Variants in OR5A1 observed in about 807,000 individuals in gnomAD.
OR5A1 encodes olfactory receptor 5A1.
OR5A1 carries 6 observed loss-of-function variants against 6.7 expected under a neutral mutation model. The ratio of observed to expected loss-of-function variants is 0.89; its 90% confidence interval spans 0.49 to 1.76. OR5A1 has a LOEUF of 1.76. Ranked by LOEUF, OR5A1 falls within the 40% of genes most tolerant of loss-of-function variation. The pLI is 0.01. For missense variants in OR5A1, 378 were observed against 381.7 expected, an observed-to-expected ratio of 0.99 and a Z score of 0.08; for synonymous variants, 170 against 155.0, an observed-to-expected ratio of 1.10 and a Z score of -0.72.
rs1858583170 is a variant in OR5A1 at position 59,448,856 on chromosome 11, C to G, written c.*4740C>G. 1 of 152,178 alleles carries G rather than the reference C, an allele frequency of 6.6e-6. No homozygotes were observed. Among genetic ancestry groups the G allele is most frequent in the Non-Finnish European group, 1.5e-5 (1 of 68,026 alleles). 9.4% of individuals were successfully genotyped at this position (152,178 alleles called of 1,614,324 possible). On this transcript the variant is annotated 3_prime_UTR_variant, in exon 2 of 2. Transcript: ENST00000641045. ...GTGACCCAAATTGTGACCATTGTCA[C>G]ATGAAATTGACTCTTGAACTATAAT...
At position 59,443,631 on chromosome 11, in the gene OR5A1, G is replaced by C; in HGVS notation, c.463G>C (p.Gly155Arg). ...CATGGTGGTTGGGGCATATGTTGGT[G>C]GCTTCCTGAGCTCCCTGATCCAGGC... The part of the protein sequence containing the change: ...TRMVVGAYVG[G>R]FLSSLIQASS... Residue 155 changes from glycine (G) to arginine (R), a missense_variant, in exon 2 of 2, where the codon GGC becomes CGC. By Grantham distance (125) the Gly-to-Arg change is moderately radical. Coordinates refer to ENST00000641045, the MANE Select transcript of OR5A1 (RefSeq NM_001004728.2). 1.2e-6 allele frequency: 2 copies of C among 1,614,054 alleles called. No homozygotes were observed. Among genetic ancestry groups the C allele is most frequent in the Middle Eastern group, 3.3e-4 (2 of 6,062 alleles).
At chr11:59,440,514 C>T (rs1858469188) in intron 1 of OR5A1, among the ~76,000 whole-genome samples, 1 of 152,166 alleles carries the variant, frequency 6.6e-6, no homozygotes, top group African/African-American at 2.4e-5. Context: ...AGGATCAAAC[C>T]ACTACCTTCT....
In OR5A1 at chr11:59,449,464, C is replaced by T. The variant is rs1858590775; in HGVS notation, c.*5348C>T. The T allele has an allele frequency of 6.6e-6, 1 of 152,182 alleles. No homozygotes were observed. The highest frequency in any genetic ancestry group is 1.5e-5 in the Non-Finnish European group (1 of 68,044). The allele number at this position is 152,182 out of a possible 1,614,324, so 9.4% of individuals were successfully genotyped here. On this transcript the variant is annotated 3_prime_UTR_variant, in exon 2 of 2. Transcript: ENST00000641045. Reference sequence around the variant, plus strand: ...GATCTCCTACTTCTAACCTAAAATACTGGGCTTCCTAAGACACATTCAAAT... The same window carrying T: ...GATCTCCTACTTCTAACCTAAAATATTGGGCTTCCTAAGACACATTCAAAT...
intron 1 of OR5A1, among the ~76,000 whole-genome samples, chr11:59,441,979 GAT>G (rs1491097569): frequency 6.7e-6 from 1 of 148,868 alleles, no homozygotes; most frequent in Non-Finnish European, 1.5e-5. Context: ...TAGATAGATA[GAT>G]AGATAGATGA....
chr11:59,448,705 GT>G lies in OR5A1; in HGVS notation c.*4590del. ...CACAGTTGTAAGTTCATGCTTGAGGGTGGGGTCACATCTGTCTCTTCACAAA... is the reference window on the plus strand; with the variant it reads ...CACAGTTGTAAGTTCATGCTTGAGGGGGGGTCACATCTGTCTCTTCACAAA... On this transcript the variant is annotated 3_prime_UTR_variant, in exon 2 of 2. Transcript: ENST00000641045. 1 of 152,178 alleles carries G rather than the reference GT, an allele frequency of 6.6e-6. No homozygotes were observed. Among genetic ancestry groups the G allele is most frequent in the African/African-American group, 2.4e-5 (1 of 41,516 alleles). 9.4% of individuals were successfully genotyped at this position (152,178 alleles called of 1,614,324 possible). A position where few individuals can be genotyped will look rare whatever the true frequency, so the allele number is the denominator to read the frequency against.
In OR5A1 at chr11:59,443,950, T is replaced by G. The variant is rs1204881366; in HGVS notation, c.782T>G (p.Val261Gly). 6.2e-7 allele frequency: 1 copy of G among 1,614,112 alleles called. No individual in the cohort carries two copies. The change falls in exon 2 of 2, where the codon GTG (valine) becomes GGG (glycine). Residue 261 changes from valine (V) to glycine (G), a missense_variant. Val to Gly is a moderately radical substitution (Grantham distance 109, BLOSUM62 -3). Coordinates refer to ENST00000641045, the MANE Select transcript of OR5A1 (RefSeq NM_001004728.2). Reference sequence around the variant, plus strand: ...CTGCTGTTTGGGACAGCCCTTTTCGTGTACTTGCGACCCAGCTCCAGCTAC... The same window carrying G: ...CTGCTGTTTGGGACAGCCCTTTTCGGGTACTTGCGACCCAGCTCCAGCTAC... ...VTLLFGTALF[V>G]YLRPSSSYLL...
rs976393913 is a variant in OR5A1, at chr11:59,449,077, G to A, written c.*4961G>A. 2.6e-5 allele frequency: 4 copies of A among 152,114 alleles called. No individual in the cohort carries two copies. Among genetic ancestry groups the A allele is most frequent in the South Asian group, 2.1e-4 (1 of 4,828 alleles). The allele number at this position is 152,114 out of a possible 1,614,324, so 9.4% of individuals were successfully genotyped here. On this transcript the variant is annotated 3_prime_UTR_variant, in exon 2 of 2. Transcript: ENST00000641045. ...AAAAGGAGAGAAAAAACATGCACACGTGTTGCTTAGTAACTTTTTAATAAC... is the reference window on the plus strand; with the variant it reads ...AAAAGGAGAGAAAAAACATGCACACATGTTGCTTAGTAACTTTTTAATAAC...
chr11:59,443,500 G>A lies in OR5A1; in HGVS notation c.332G>A (p.Gly111Asp), dbSNP rs1454657459. ...CAGTTTTTTTTCTTTGTCGGCATGG[G>A]TCTGTCTGAGTGCCTCCTCCTGACT... ...AAQFFFFVGMGLSECLLLTAM... is the reference protein window; with the variant it reads ...AAQFFFFVGMDLSECLLLTAM... Residue 111 changes from glycine (G) to aspartate (D), a missense_variant, in exon 2 of 2, where the codon GGT becomes GAT. Coordinates refer to ENST00000641045, the MANE Select transcript of OR5A1 (RefSeq NM_001004728.2). 3 of 1,613,938 alleles carry A rather than the reference G, an allele frequency of 1.9e-6. No individual in the cohort carries two copies. The South Asian group carries it at 3.3e-5, about 18-fold the overall frequency.
In OR5A1 at chr11:59,450,990, G is replaced by A. The variant is rs764143104; in HGVS notation, c.*6874G>A. On this transcript the variant is annotated 3_prime_UTR_variant, in exon 2 of 2. Coordinates refer to ENST00000641045, the MANE Select transcript of OR5A1 (RefSeq NM_001004728.2). ...TTTATATTTAGGACATTAAACATTT[G>A]GTTTATTAACTCTTTAGCATAAATT... The A allele has an allele frequency of 6.6e-6, 1 of 152,194 alleles. No individual in the cohort carries two copies. The highest frequency in any genetic ancestry group is 1.5e-5 in the Non-Finnish European group (1 of 67,996). The allele number at this position is 152,194 out of a possible 1,614,324, so 9.4% of individuals were successfully genotyped here.
chr11:59,443,521 T>A lies in OR5A1; in HGVS notation c.353T>A (p.Leu118Gln), dbSNP rs772735958. Residue 118 changes from leucine to glutamine, a missense_variant, in exon 2 of 2, where the codon CTG becomes CAG. Physicochemically the swap from Leu to Gln is moderately radical, Grantham distance 113. Coordinates refer to ENST00000641045, the MANE Select transcript of OR5A1 (RefSeq NM_001004728.2). ...ATGGGTCTGTCTGAGTGCCTCCTCC[T>A]GACTGCTATGGCATACGACCGATAT... ...VGMGLSECLL[L>Q]TAMAYDRYAA... 2 of 1,614,098 alleles carry A rather than the reference T, an allele frequency of 1.2e-6. No individual in the cohort carries two copies. The highest frequency in any genetic ancestry group is 2.2e-5 in the South Asian group (2 of 91,066).
In OR5A1 at chr11:59,444,193, G is replaced by C. The variant is rs914830319; in HGVS notation, c.*77G>C. ...AGCCTTCACCTCCACCTCTGCCTCA[G>C]GCAAGGGAGATATTTGGTGCTCTCA... On this transcript the variant is annotated 3_prime_UTR_variant, in exon 2 of 2. Coordinates refer to ENST00000641045, the MANE Select transcript of OR5A1 (RefSeq NM_001004728.2). 4 of 961,160 alleles carry C rather than the reference G, an allele frequency of 4.2e-6. No homozygotes were observed. The highest frequency in any genetic ancestry group is 6.4e-6 in the Non-Finnish European group (4 of 629,456). The allele number at this position is 961,160 out of a possible 1,614,324, so 59.5% of individuals were successfully genotyped here.
chr11:59,443,656 C>T lies in OR5A1; in HGVS notation c.488C>T (p.Ala163Val), dbSNP rs1485592311. ...GGCTTCCTGAGCTCCCTGATCCAGG[C>T]CAGCTCCATATTTAGGCTTCACTTT... ...VGGFLSSLIQASSIFRLHFCG... is the reference protein window; with the variant it reads ...VGGFLSSLIQVSSIFRLHFCG... Residue 163 changes from alanine to valine, a missense_variant, in exon 2 of 2, where the codon GCC becomes GTC. Transcript: ENST00000641045. 1.2e-6 allele frequency: 2 copies of T among 1,614,122 alleles called. No homozygotes were observed. Among genetic ancestry groups the T allele is most frequent in the Non-Finnish European group, 1.7e-6 (2 of 1,180,018 alleles).
chr11:59,440,149 A>T (rs914981553), intron 1 of OR5A1, among the ~76,000 whole-genome samples: 1 of 152,186 alleles, frequency 6.6e-6, no homozygotes, highest in African/African-American at 2.4e-5. Context: ...CTGCAGCCTC[A>T]ACCTTGTGGG....
In OR5A1 at chr11:59,443,164, G is replaced by A. The variant is rs1466808106; in HGVS notation, c.-5G>A. 6.2e-7 allele frequency: 1 copy of A among 1,610,520 alleles called. No individual in the cohort carries two copies. Among genetic ancestry groups the A allele is most frequent in the East Asian group, 2.2e-5 (1 of 44,838 alleles). ...TGCATCTTGTCCTTGTGGTCCACGG[G>A]AAGCATGTCCATAACCAAAGCCTGG... On this transcript the variant is annotated 5_prime_UTR_variant, in exon 2 of 2. Transcript: ENST00000641045.
chr11:59,441,984 A>C (rs910876244), intron 1 of OR5A1, among the ~76,000 whole-genome samples: 5 of 151,734 alleles, frequency 3.3e-5, no homozygotes, highest in Non-Finnish European at 5.9e-5. Flanking sequence ...AGATAGATAG[A>C]TAGATGATAG....
At chr11:59,440,817 T>C (rs749705786) in intron 1 of OR5A1, among the ~76,000 whole-genome samples, 1 of 152,180 alleles carries the variant, frequency 6.6e-6, no homozygotes, top group Non-Finnish European at 1.5e-5. Flanking sequence ...CCTTAGAATA[T>C]AGGATGAAGC....
chr11:59,438,002 G>A (rs1372208308), intron 1 of OR5A1, among the ~76,000 whole-genome samples: 1 of 152,162 alleles, frequency 6.6e-6, no homozygotes, highest in African/African-American at 2.4e-5. Flanking sequence ...GGCAACAGCT[G>A]GTTGTTTAAA....
Position 59,449,087 on chromosome 11 carries a change from G to C in OR5A1, c.*4971G>C, listed in dbSNP as rs1563097. The C allele has an allele frequency of 6.6e-6, 1 of 152,126 alleles. No individual in the cohort carries two copies. The highest frequency in any genetic ancestry group is 1.5e-5 in the Non-Finnish European group (1 of 68,034). 9.4% of individuals were successfully genotyped at this position (152,126 alleles called of 1,614,324 possible). A position where few individuals can be genotyped will look rare whatever the true frequency, so the allele number is the denominator to read the frequency against. ...AAAAAACATGCACACGTGTTGCTTAGTAACTTTTTAATAACTCCCATTGCA... is the reference window on the plus strand; with the variant it reads ...AAAAAACATGCACACGTGTTGCTTACTAACTTTTTAATAACTCCCATTGCA... On this transcript the variant is annotated 3_prime_UTR_variant, in exon 2 of 2. Coordinates refer to ENST00000641045, the MANE Select transcript of OR5A1 (RefSeq NM_001004728.2).
Position 59,443,780 on chromosome 11 carries a change from C to T in OR5A1, c.612C>T (p.Leu204=), listed in dbSNP as rs766333570. 1.9e-6 allele frequency: 3 copies of T among 1,614,110 alleles called. No homozygotes were observed. Among genetic ancestry groups the T allele is most frequent in the Admixed American group, 1.7e-5 (1 of 60,028 alleles). The part of the protein sequence containing the change: ...DTFLSQVVNF[L]VVVTVGGTSF... ...TCCTCAGTCAAGTGGTGAATTTCCT[C>T]GTGGTGGTCACTGTCGGAGGAACAT... is the stretch of plus-strand genomic sequence containing the variant. The change falls in exon 2 of 2, where the codon CTC becomes CTT. Residue 204 remains leucine (L), a synonymous_variant. Transcript: ENST00000641045.
Sources: allele counts gnomAD v4.1 joint callset (sites outside exome capture counted in the v4.1 genomes callset), GRCh38; gene constraint gnomAD v4.1.1; transcripts MANE v1.5; gene names NCBI Gene and HGNC (gene_info 2026-07-23, HGNC 2026-07-21).